Variants in AGMO observed in about 807,000 individuals in gnomAD.
AGMO encodes alkylglycerol monooxygenase, also known as glyceryl-ether monooxygenase.
In AGMO, 75 loss-of-function variants were observed where a neutral mutation model predicts 60.2. The ratio of observed to expected loss-of-function variants is 1.25; its 90% confidence interval spans 1.03 to 1.51. The LOEUF (loss-of-function observed/expected upper bound fraction) is 1.51, where lower values mean the gene tolerates loss of function less well. Among genes scored for constraint, AGMO ranks in the 40% most tolerant of loss-of-function variants. The pLI, the probability that AGMO is intolerant of heterozygous loss-of-function variation, is 0.00. For missense variants in AGMO, 763 were observed against 525.5 expected, an observed-to-expected ratio of 1.45 and a Z score of -4.42; for synonymous variants, 261 against 177.1, an observed-to-expected ratio of 1.47 and a Z score of -3.76.
At chr7:15,338,200 T>G (rs1052597622) in intron 12 of AGMO, among the ~76,000 whole-genome samples, 1 of 152,214 alleles carries the variant, frequency 6.6e-6, no homozygotes, top group Non-Finnish European at 1.5e-5. Context: ...TAAATCATTT[T>G]AAAATATACA....
At chr7:15,445,808 T>A (rs1283055322) in intron 3 of AGMO, among the ~76,000 whole-genome samples, 1 of 152,178 alleles carries the variant, frequency 6.6e-6, no homozygotes, top group Non-Finnish European at 1.5e-5. Context: ...AATCCTCACC[T>A]GTTCTTAAAA....
chr7:15,245,276 AC>A (rs1207945019), intron 12 of AGMO, among the ~76,000 whole-genome samples: 1 of 152,132 alleles, frequency 6.6e-6, no homozygotes, highest in East Asian at 1.9e-4. Flanking sequence ...CGTCATCACT[AC>A]CTATCCCTTT....
rs567851641 is a variant in AGMO, at chr7:15,523,926, G to A, written c.409+20846C>T. ...TGGTATGGTCATAGTAAGGTTGAGG[G>A]AAAATGAAATGTAACAGTATGTCTG... On this transcript the variant is annotated intron_variant, in intron 3 of 12. Transcript: ENST00000342526. 3.3e-5 allele frequency among the ~76,000 whole-genome samples: 5 copies of A among 152,112 alleles called. No individual in the cohort carries two copies. The East Asian group carries it at 9.7e-4, about 29-fold the overall frequency.
At chr7:15,455,849 C>T (rs1781986578) in intron 3 of AGMO, among the ~76,000 whole-genome samples, 1 of 151,964 alleles carries the variant, frequency 6.6e-6, no homozygotes, top group African/African-American at 2.4e-5. Context: ...GTTTCTATTC[C>T]CAATATTCTA....
At chr7:15,233,752 A>G (rs1045140889) in intron 12 of AGMO, among the ~76,000 whole-genome samples, 13 of 152,258 alleles carry the variant, frequency 8.5e-5, no homozygotes, top group Admixed American at 3.3e-4. Flanking sequence ...AGAATTTAAG[A>G]TACTATAGAA....
chr7:15,310,176 A>C (rs1168329621), intron 12 of AGMO, among the ~76,000 whole-genome samples: 1 of 152,182 alleles, frequency 6.6e-6, no homozygotes, highest in Non-Finnish European at 1.5e-5. Context: ...TTTGGTTTTA[A>C]TTTAAAGAAT....
chr7:15,147,078 C>A, the AGMO span, among the ~76,000 whole-genome samples: 5 of 152,146 alleles, frequency 3.3e-5, no homozygotes, highest in African/African-American at 1.2e-4. Context: ...GAGGTCCCAG[C>A]TTCTCCCTTC....
intron 3 of AGMO, among the ~76,000 whole-genome samples, chr7:15,460,686 A>T (rs1782121577): frequency 6.6e-6 from 1 of 152,102 alleles, no homozygotes; most frequent in Non-Finnish European, 1.5e-5. Context: ...CATTGACATG[A>T]TTTTAAAATA....
chr7:15,125,802 A>G, the AGMO span, among the ~76,000 whole-genome samples: 3 of 152,132 alleles, frequency 2.0e-5, no homozygotes, highest in African/African-American at 7.2e-5. Context: ...AGACATGGGT[A>G]TGAATCCTAG....
chr7:15,345,643 G>A lies in AGMO; in HGVS notation c.1263+19871C>T, dbSNP rs559672643. Among the ~76,000 whole-genome samples the A allele has an allele frequency of 1.4e-4, 21 of 152,260 alleles. No individual in the cohort carries two copies. In the East Asian group the frequency reaches 3.9e-3, roughly 28 times the overall value. On this transcript the variant is annotated intron_variant, in intron 12 of 12. Coordinates refer to ENST00000342526, the MANE Select transcript of AGMO (RefSeq NM_001004320.2). ...ATCTATCTTGGTACTTGGTACTGATGTTGTTGTTAGCAGTTTTTAAATATT... is the reference window on the plus strand; with the variant it reads ...ATCTATCTTGGTACTTGGTACTGATATTGTTGTTAGCAGTTTTTAAATATT...
At chr7:15,545,705 A>C (rs1784761616) in intron 2 of AGMO, among the ~76,000 whole-genome samples, 1 of 152,092 alleles carries the variant, frequency 6.6e-6, no homozygotes, top group Admixed American at 6.5e-5. Flanking sequence ...AGCTTCCACA[A>C]ATTTTCAGTA....
Position 15,418,608 on chromosome 7 carries a change from C to G in AGMO, c.559G>C (p.Ala187Pro). Residue 187 changes from alanine (A) to proline (P), a missense_variant, in exon 5 of 13, where the codon GCT (alanine) becomes CCT (proline). Transcript: ENST00000342526. ...AGAAGATTGAATTGAAGATGAACAG[C>G]ATATACTGAAGGGGGTATGAAGAGG... ...LALFIPPSVYAVHLQFNLLYQ... is the reference protein window; with the variant it reads ...LALFIPPSVYPVHLQFNLLYQ... 1 of 1,583,308 alleles carries G rather than the reference C, an allele frequency of 6.3e-7. No homozygotes were observed. Among genetic ancestry groups the G allele is most frequent in the Non-Finnish European group, 8.6e-7 (1 of 1,169,450 alleles).
intron 3 of AGMO, among the ~76,000 whole-genome samples, chr7:15,542,375 T>C (rs1389950051): frequency 6.6e-6 from 1 of 152,206 alleles, no homozygotes; most frequent in East Asian, 1.9e-4. Context: ...ATACTTTAAA[T>C]AGCCTTGATG....
chr7:15,480,542 G>T (rs1298263247), intron 3 of AGMO, among the ~76,000 whole-genome samples: 1 of 152,114 alleles, frequency 6.6e-6, no homozygotes, highest in Non-Finnish European at 1.5e-5. Flanking sequence ...CATATTTAGG[G>T]TGAGGGTTTT....
At chr7:15,555,668 A>C (rs1247446333) in intron 2 of AGMO, among the ~76,000 whole-genome samples, 1 of 152,010 alleles carries the variant, frequency 6.6e-6, no homozygotes, top group Non-Finnish European at 1.5e-5. Context: ...ATTTGAAAGA[A>C]ATGAATTTGA....
downstream of AGMO, among the ~76,000 whole-genome samples, chr7:15,198,673 T>G (rs1781198544): frequency 6.6e-6 from 1 of 152,094 alleles, no homozygotes. Flanking sequence ...GGCCAGGGAA[T>G]GGAGAGTGCT....
At chr7:15,343,283 T>C (rs1178711111) in intron 12 of AGMO, among the ~76,000 whole-genome samples, 2 of 152,148 alleles carry the variant, frequency 1.3e-5, no homozygotes, top group Admixed American at 6.5e-5. Context: ...CCAATGAGTT[T>C]ACCTCTCTAT....
chr7:15,349,215 TTTACA>T (rs1308328613), intron 12 of AGMO, among the ~76,000 whole-genome samples: 1 of 152,144 alleles, frequency 6.6e-6, no homozygotes, highest in Non-Finnish European at 1.5e-5. Flanking sequence ...CCTGTTGTCA[TTTACA>T]TTAAAGATAA....
chr7:15,488,982 C>T (rs1325678146), intron 3 of AGMO, among the ~76,000 whole-genome samples: 2 of 152,188 alleles, frequency 1.3e-5, no homozygotes, highest in South Asian at 2.1e-4. Flanking sequence ...GGAAAAGTTA[C>T]GATGTGACAT....
Sources: gnomAD v4.1 joint callset for allele counts (sites outside exome capture counted in the v4.1 genomes callset) on GRCh38, gnomAD v4.1.1 for gene constraint, MANE v1.5 for transcripts, NCBI Gene and HGNC (gene_info 2026-07-23, HGNC 2026-07-21) for gene names.